The following LHFPL3 variants were observed in gnomAD, a reference collection of about 807,000 sequenced individuals.
LHFPL3 encodes LHFPL tetraspan subfamily member 3, also known as LHFPL tetraspan subfamily member 3 protein.
In LHFPL3, 5 loss-of-function variants were observed where a neutral mutation model predicts 19.3. The ratio of observed to expected loss-of-function variants is 0.26; its 90% CI spans 0.14 to 0.54. The LOEUF (loss-of-function observed/expected upper bound fraction) is 0.54. Ranked by LOEUF, LHFPL3 falls within the 20% of genes least tolerant of loss-of-function variation. The pLI, the probability that LHFPL3 is intolerant of heterozygous loss-of-function variation, is 0.94. For synonymous variants in LHFPL3, 133 were observed against 126.2 expected (o/e 1.05, Z -0.36); for missense variants, 249 against 307.4 (o/e 0.81, Z 1.42).
chr7:104,713,877 G>A (rs1347032579), intron 1 of LHFPL3, among the ~76,000 whole-genome samples: 1 of 152,078 alleles, frequency 6.6e-6, no homozygotes, highest in Admixed American at 6.6e-5. Context: ...ACAATACCAA[G>A]GCAGAAAGCA....
At chr7:104,351,779 G>A (rs1194245865) in intron 1 of LHFPL3, among the ~76,000 whole-genome samples, 1 of 152,178 alleles carries the variant, frequency 6.6e-6, no homozygotes, top group East Asian at 1.9e-4. Context: ...CCAAGTATTA[G>A]GAAAGATTTT....
chr7:104,881,589 TTTC>T (rs1369510791), intron 2 of LHFPL3, among the ~76,000 whole-genome samples: 3 of 152,166 alleles, frequency 2.0e-5, no homozygotes, highest in African/African-American at 7.2e-5. Flanking sequence ...AAGAAAGTGG[TTTC>T]TTGAGATGGA....
chr7:104,830,705 T>C (rs945682509), intron 2 of LHFPL3, among the ~76,000 whole-genome samples: 15 of 151,936 alleles, frequency 9.9e-5, no homozygotes, highest in African/African-American at 3.6e-4. Flanking sequence ...TCTGTTTTGG[T>C]ACCAGTACCA....
At chr7:104,418,720 A>G (rs1791672306) in intron 1 of LHFPL3, among the ~76,000 whole-genome samples, 1 of 152,232 alleles carries the variant, frequency 6.6e-6, no homozygotes, top group Non-Finnish European at 1.5e-5. Flanking sequence ...GAGAAGGGTC[A>G]GGTTTCATCT....
intron 1 of LHFPL3, among the ~76,000 whole-genome samples, chr7:104,600,800 T>C (rs1326579999): frequency 6.6e-6 from 1 of 152,184 alleles, no homozygotes; most frequent in African/African-American, 2.4e-5. Context: ...ACGATTCCTA[T>C]AAATAAGGAG....
At chr7:104,414,020 A>G (rs1791576970) in intron 1 of LHFPL3, among the ~76,000 whole-genome samples, 1 of 152,110 alleles carries the variant, frequency 6.6e-6, no homozygotes, top group South Asian at 2.1e-4. Context: ...GTATAATATT[A>G]CAGTACAGAG....
chr7:104,905,337 G>T (rs1792576582), intron 2 of LHFPL3, among the ~76,000 whole-genome samples: 1 of 152,032 alleles, frequency 6.6e-6, no homozygotes, highest in Non-Finnish European at 1.5e-5. Flanking sequence ...CTTCCTATAT[G>T]TCTGACAATA....
chr7:104,833,416 A>AATATATAT lies in LHFPL3; in HGVS notation c.683-72760_683-72753dup, dbSNP rs551732361. The stretch of plus-strand genomic sequence containing the variant: ...ATATATATATTATATATATATATAT[A>AATATATAT]ATATATATATATATATATGCTCCTC... On this transcript the variant is annotated intron_variant, in intron 2 of 2. Coordinates refer to ENST00000424859, the MANE Select transcript of LHFPL3 (RefSeq NM_199000.3). 3.0e-4 allele frequency among the ~76,000 whole-genome samples: 2 copies of AATATATAT among 6,636 alleles called. 1 individual carries two copies. Among genetic ancestry groups the AATATATAT allele is most frequent in the African/African-American group, 1.1e-3 (2 of 1,776 alleles). 4.4% of individuals were successfully genotyped at this position (6,636 alleles called of 152,430 possible). A position where few individuals can be genotyped will look rare whatever the true frequency, so the allele number is the denominator to read the frequency against.
At chr7:104,673,256 C>T (rs1433432069) in intron 1 of LHFPL3, among the ~76,000 whole-genome samples, 2 of 152,206 alleles carry the variant, frequency 1.3e-5, no homozygotes. Context: ...AACTGAGCCA[C>T]ATAGAGTATG....
At chr7:104,350,869 G>A (rs910964425) in intron 1 of LHFPL3, among the ~76,000 whole-genome samples, 17 of 151,942 alleles carry the variant, frequency 1.1e-4, no homozygotes, top group South Asian at 2.1e-4. Flanking sequence ...GTGAAACCCC[G>A]TCTATACTAA....
At chr7:104,618,429 C>T (rs145859855) in intron 1 of LHFPL3, among the ~76,000 whole-genome samples, 1 of 152,256 alleles carries the variant, frequency 6.6e-6, no homozygotes, top group African/African-American at 2.4e-5. Flanking sequence ...TTGCCCAAAG[C>T]GTCATGGCTG....
At chr7:104,486,384 G>A (rs1793238164) in intron 1 of LHFPL3, among the ~76,000 whole-genome samples, 1 of 152,138 alleles carries the variant, frequency 6.6e-6, no homozygotes, top group African/African-American at 2.4e-5. Context: ...TAAACTAGAT[G>A]GCTTATAAAT....
Position 104,619,633 on chromosome 7 carries a change from ATGCTTATAGTTTAT to A in LHFPL3, c.446-117040_446-117027del, listed in dbSNP as rs1201295108. Among the ~76,000 whole-genome samples, 9 of 152,212 alleles carry A rather than the reference ATGCTTATAGTTTAT, an allele frequency of 5.9e-5. No individual in the cohort carries two copies. The South Asian group carries it at 1.2e-3, about 21-fold the overall frequency. On this transcript the variant is annotated intron_variant, in intron 1 of 2. Coordinates refer to ENST00000424859, the MANE Select transcript of LHFPL3 (RefSeq NM_199000.3). Reference sequence around the variant, plus strand: ...ATAAATTAAATATACTTGCCACTTAATGCTTATAGTTTATTCCTTTAATCAGTACATGTTTATTA... The same window carrying A: ...ATAAATTAAATATACTTGCCACTTAATCCTTTAATCAGTACATGTTTATTA...
intron 1 of LHFPL3, among the ~76,000 whole-genome samples, chr7:104,683,051 G>A (rs897958648): frequency 3.9e-5 from 6 of 152,118 alleles, no homozygotes; most frequent in African/African-American, 1.2e-4. Context: ...GTTCAGTGCC[G>A]TGATCTCGGC....
intron 1 of LHFPL3, among the ~76,000 whole-genome samples, chr7:104,677,090 C>T (rs1017955263): frequency 6.6e-6 from 1 of 152,144 alleles, no homozygotes; most frequent in East Asian, 1.9e-4. Context: ...AGAAAAATAA[C>T]CTCAGCCAGA....
chr7:104,865,581 G>A (rs28794177), intron 2 of LHFPL3, among the ~76,000 whole-genome samples: 34,954 of 152,106 alleles, frequency 0.23, 4,313 homozygotes, highest in South Asian at 0.39. Flanking sequence ...TGTGTGAGAA[G>A]ACCAAATCTA....
intron 1 of LHFPL3, among the ~76,000 whole-genome samples, chr7:104,492,475 A>C (rs948111277): frequency 6.6e-6 from 1 of 152,230 alleles, no homozygotes; most frequent in African/African-American, 2.4e-5. Context: ...CACAAAGAAA[A>C]TGGTACCATG....
chr7:104,380,239 C>T (rs1790801861), intron 1 of LHFPL3, among the ~76,000 whole-genome samples: 1 of 152,070 alleles, frequency 6.6e-6, no homozygotes, highest in South Asian at 2.1e-4. Flanking sequence ...AATCCATATG[C>T]CCAGCACACA....
chr7:104,889,820 A>C (rs1166234924), intron 2 of LHFPL3, among the ~76,000 whole-genome samples: 1 of 152,232 alleles, frequency 6.6e-6, no homozygotes, highest in Non-Finnish European at 1.5e-5. Context: ...GGAAACATTT[A>C]AAATCAATGT....
Sources: gnomAD v4.1 joint callset for allele counts (sites outside exome capture counted in the v4.1 genomes callset) on GRCh38, gnomAD v4.1.1 for gene constraint, MANE v1.5 for transcripts, NCBI Gene and HGNC (gene_info 2026-07-23, HGNC 2026-07-21) for gene names.